The following CDH12 variants were observed in gnomAD, a reference collection of about 807,000 sequenced individuals.
CDH12 encodes cadherin-12.
In CDH12, 41 loss-of-function variants were observed where a neutral mutation model predicts 74.1. That is an observed-to-expected ratio of 0.55 (90% confidence interval 0.43 to 0.72). The LOEUF is 0.72. Among genes scored for constraint, CDH12 ranks in the 30% least tolerant of loss-of-function variants. The pLI is 0.00. For missense variants in CDH12, 945 were observed against 977.2 expected (o/e 0.97, Z 0.44); for synonymous variants, 399 against 355.0 (o/e 1.12, Z -1.39).
intron 4 of CDH12, among the ~76,000 whole-genome samples, chr5:22,195,076 A>G (rs1167316343): frequency 1.3e-5 from 2 of 152,214 alleles, no homozygotes; most frequent in African/African-American, 4.8e-5. Flanking sequence ...ATGGGTTGCC[A>G]TAGGTTCTTG....
rs546026057 is a variant in CDH12 at position 22,134,835 on chromosome 5, A to G, written c.-186-55973T>C. Among the ~76,000 whole-genome samples, 10 of 150,324 alleles carry G rather than the reference A, an allele frequency of 6.7e-5. No individual in the cohort carries two copies. The East Asian group carries it at 1.8e-3, about 26-fold the overall frequency. Reference sequence around the variant, plus strand: ...CTCCACATAAAAAGCAAGAGACTTAACATTTCATTATTAATTACAGCAACA... The same window carrying G: ...CTCCACATAAAAAGCAAGAGACTTAGCATTTCATTATTAATTACAGCAACA... On this transcript the variant is annotated intron_variant, in intron 4 of 14. Coordinates refer to ENST00000382254, the MANE Select transcript of CDH12 (RefSeq NM_004061.5).
At chr5:21,872,314 T>G (rs889593877) in intron 6 of CDH12, among the ~76,000 whole-genome samples, 1 of 152,186 alleles carries the variant, frequency 6.6e-6, no homozygotes, top group African/African-American at 2.4e-5. Context: ...TATTTACACC[T>G]TGTGATTCAA....
At chr5:22,804,418 G>T (rs13178959) in intron 1 of CDH12, among the ~76,000 whole-genome samples, 96,873 of 151,812 alleles carry the variant, frequency 0.64, 31,749 homozygotes, top group Non-Finnish European at 0.71. Flanking sequence ...AGATTTTATG[G>T]AATTGGCTTA....
intron 4 of CDH12, among the ~76,000 whole-genome samples, chr5:22,084,730 G>A (rs775978740): frequency 7.2e-5 from 11 of 152,196 alleles, no homozygotes; most frequent in South Asian, 2.1e-4. Flanking sequence ...CTCTGGCCAC[G>A]GTTGTCAGCC....
chr5:22,282,580 G>A (rs1736936913), intron 3 of CDH12, among the ~76,000 whole-genome samples: 1 of 152,130 alleles, frequency 6.6e-6, no homozygotes, highest in Non-Finnish European at 1.5e-5. Flanking sequence ...AGAGGGCAAA[G>A]TATATGAACA....
chr5:22,517,379 C>A (rs553578645), intron 1 of CDH12, among the ~76,000 whole-genome samples: 1 of 152,128 alleles, frequency 6.6e-6, no homozygotes, highest in African/African-American at 2.4e-5. Context: ...AATTTAAATT[C>A]ATCACTTTTA....
chr5:22,076,978 A>C (rs980182086), intron 5 of CDH12, among the ~76,000 whole-genome samples: 2 of 151,924 alleles, frequency 1.3e-5, no homozygotes, highest in Admixed American at 1.3e-4. Flanking sequence ...GCCCCGTGCC[A>C]CTTGAACAGC....
intron 1 of CDH12, among the ~76,000 whole-genome samples, chr5:22,573,257 T>G (rs973368396): frequency 6.6e-6 from 1 of 152,202 alleles, no homozygotes; most frequent in Non-Finnish European, 1.5e-5. Context: ...CTCTTTTTAC[T>G]CAGTGAATTT....
intron 5 of CDH12, among the ~76,000 whole-genome samples, chr5:22,016,301 T>C (rs559388068): frequency 2.0e-5 from 3 of 152,266 alleles, no homozygotes; most frequent in East Asian, 1.9e-4. Flanking sequence ...CTAATCTTAA[T>C]TAAATGATTG....
intron 10 of CDH12, among the ~76,000 whole-genome samples, chr5:21,800,827 C>G (rs1370255305): frequency 6.6e-6 from 1 of 152,108 alleles, no homozygotes; most frequent in Non-Finnish European, 1.5e-5. Flanking sequence ...CTGATTGTTT[C>G]ATAAGTTGTT....
At chr5:21,829,545 T>C (rs982725533) in intron 8 of CDH12, among the ~76,000 whole-genome samples, 1 of 152,226 alleles carries the variant, frequency 6.6e-6, no homozygotes, top group East Asian at 1.9e-4. Context: ...TCATGGTTTT[T>C]AGTATTGCTT....
intron 5 of CDH12, among the ~76,000 whole-genome samples, chr5:22,076,475 G>A (rs1662622099): frequency 6.6e-6 from 1 of 152,042 alleles, no homozygotes; most frequent in African/African-American, 2.4e-5. Flanking sequence ...CAAAAACAGA[G>A]AATTTGTCAG....
intron 1 of CDH12, among the ~76,000 whole-genome samples, chr5:22,843,973 A>C (rs1561071202): frequency 6.6e-6 from 1 of 151,988 alleles, no homozygotes; most frequent in Non-Finnish European, 1.5e-5. Context: ...TTTTGTATTA[A>C]TGCATGAGGA....
At chr5:22,569,469 C>G (rs1230201480) in intron 1 of CDH12, among the ~76,000 whole-genome samples, 1 of 152,100 alleles carries the variant, frequency 6.6e-6, no homozygotes, top group East Asian at 1.9e-4. Context: ...GAACCATGAG[C>G]CAATTAAACC....
chr5:22,184,963 T>C (rs1356087305), intron 4 of CDH12, among the ~76,000 whole-genome samples: 2 of 152,140 alleles, frequency 1.3e-5, no homozygotes, highest in Admixed American at 1.3e-4. Flanking sequence ...ATATTAAACC[T>C]AGTACACATT....
At chr5:22,156,626 T>C (rs946735486) in intron 4 of CDH12, among the ~76,000 whole-genome samples, 12 of 152,146 alleles carry the variant, frequency 7.9e-5, no homozygotes, top group Non-Finnish European at 1.8e-4. Flanking sequence ...TTACATAAGA[T>C]ACTAAGTAGC....
chr5:21,917,822 A>G (rs564680506), intron 6 of CDH12, among the ~76,000 whole-genome samples: 39 of 152,334 alleles, frequency 2.6e-4, no homozygotes, highest in African/African-American at 8.4e-4. Context: ...CAAATTATTT[A>G]TGGTTGGTAG....
chr5:22,276,539 A>G (rs1035101374), intron 3 of CDH12, among the ~76,000 whole-genome samples: 1 of 152,218 alleles, frequency 6.6e-6, no homozygotes, highest in Non-Finnish European at 1.5e-5. Flanking sequence ...TGTACCATGT[A>G]TGTGATGTGA....
At chr5:22,507,390 A>G (rs1011831488) in intron 1 of CDH12, among the ~76,000 whole-genome samples, 1 of 152,102 alleles carries the variant, frequency 6.6e-6, no homozygotes, top group African/African-American at 2.4e-5. Flanking sequence ...ATTAATGTAC[A>G]TGTTAATCAT....
Sources: gnomAD v4.1 joint callset for allele counts (sites outside exome capture counted in the v4.1 genomes callset) on GRCh38, gnomAD v4.1.1 for gene constraint, MANE v1.5 for transcripts, NCBI Gene and HGNC (gene_info 2026-07-23, HGNC 2026-07-21) for gene names.